Variants in LRRN3 observed in about 807,000 individuals in gnomAD.
The protein encoded by LRRN3 is leucine-rich repeat neuronal protein 3.
In LRRN3, 15 loss-of-function variants were observed where a neutral mutation model predicts 40.1. The ratio of observed to expected loss-of-function variants is 0.37; its 90% CI spans 0.25 to 0.58. The LOEUF (loss-of-function observed/expected upper bound fraction) is 0.58. Ranked by LOEUF, LRRN3 falls within the 20% of genes least tolerant of loss-of-function variation. The pLI, the probability that LRRN3 is intolerant of heterozygous loss-of-function variation, is 0.72. For synonymous variants in LRRN3, 308 were observed against 297.2 expected (o/e 1.04, Z -0.37); for missense variants, 746 against 837.7 (o/e 0.89, Z 1.35).
At chr7:111,093,659 A>C (rs1797097365) in intron 1 of LRRN3, among the ~76,000 whole-genome samples, 1 of 152,166 alleles carries the variant, frequency 6.6e-6, no homozygotes, top group Admixed American at 6.6e-5. Flanking sequence ...AGAGATCAGT[A>C]ATGTGCCCAC....
intron 2 of LRRN3, among the ~76,000 whole-genome samples, chr7:111,109,452 T>C (rs1798932061): frequency 6.6e-6 from 1 of 152,140 alleles, no homozygotes; most frequent in African/African-American, 2.4e-5. Flanking sequence ...GAGTAAGACA[T>C]AGGTCTAGAC....
chr7:111,102,448 TG>T (rs1338508137), intron 2 of LRRN3, among the ~76,000 whole-genome samples: 9 of 151,612 alleles, frequency 5.9e-5, no homozygotes. Context: ...GTTTTCAAGA[TG>T]TCTCTTTAGA....
chr7:111,124,183 G>A lies in LRRN3; in HGVS notation c.1411G>A (p.Asp471Asn), dbSNP rs1189094329. The change falls in exon 3 of 3, where the codon GAC (aspartate) becomes AAC (asparagine). Residue 471 changes from aspartate (D) to asparagine (N), a missense_variant. Transcript: ENST00000308478. ...AAAACTCTTGCCTAATACCCTGACA[G>A]ACAAGTTCTATGTCCATTCTGAGGG... ...GQKLLPNTLTDKFYVHSEGTL... is the reference protein window; with the variant it reads ...GQKLLPNTLTNKFYVHSEGTL... 6.2e-7 allele frequency: 1 copy of A among 1,613,826 alleles called. No homozygotes were observed. Among genetic ancestry groups the A allele is most frequent in the African/African-American group, 1.3e-5 (1 of 74,890 alleles).
At chr7:111,098,967 A>G (rs922262521) in intron 1 of LRRN3, among the ~76,000 whole-genome samples, 3 of 151,696 alleles carry the variant, frequency 2.0e-5, no homozygotes, top group Non-Finnish European at 4.4e-5. Context: ...AGAATATTAT[A>G]CCTTTGTAGG....
chr7:111,121,109 G>T (rs188556666), intron 2 of LRRN3, among the ~76,000 whole-genome samples: 1 of 152,164 alleles, frequency 6.6e-6, no homozygotes, highest in Non-Finnish European at 1.5e-5. Context: ...AATAATAAAT[G>T]TTTAACCTTT....
In LRRN3 at chr7:111,123,724, A is replaced by G; in HGVS notation, c.952A>G (p.Asn318Asp). Residue 318 changes from asparagine to aspartate, a missense_variant, in exon 3 of 3, where the codon AAC (asparagine) becomes GAC (aspartate). Physicochemically the swap from Asn to Asp is conservative, Grantham distance 23. Transcript: ENST00000308478. The surrounding 1 kb of genome is among the most constrained non-coding windows in gnomAD (Gnocchi z 6.4). Reference protein sequence around the residue: ...LPDLRKIEATNNPRLSYIHPN... With the variant: ...LPDLRKIEATDNPRLSYIHPN... ...AGATTTAAGAAAAATAGAAGCTACTAACAACCCTAGATTGTCTTACATTCA... is the reference window on the plus strand; with the variant it reads ...AGATTTAAGAAAAATAGAAGCTACTGACAACCCTAGATTGTCTTACATTCA... The G allele has an allele frequency of 6.2e-7, 1 of 1,613,892 alleles. No homozygotes were observed. The highest frequency in any genetic ancestry group is 2.2e-5 in the East Asian group (1 of 44,852).
chr7:111,092,071 A>T (rs1796928990), intron 1 of LRRN3, among the ~76,000 whole-genome samples: 1 of 152,254 alleles, frequency 6.6e-6, no homozygotes, highest in Admixed American at 6.5e-5. Flanking sequence ...GAGCTAAACC[A>T]CTAAGCAGAG....
chr7:111,092,558 A>G (rs968605286), intron 1 of LRRN3, among the ~76,000 whole-genome samples: 3 of 152,198 alleles, frequency 2.0e-5, no homozygotes, highest in Non-Finnish European at 4.4e-5. Context: ...CCTAGAAAAT[A>G]GTGTGCTCTG....
At chr7:111,120,827 G>A (rs1267974221) in intron 2 of LRRN3, among the ~76,000 whole-genome samples, 3 of 151,792 alleles carry the variant, frequency 2.0e-5, no homozygotes, top group Non-Finnish European at 4.4e-5. Flanking sequence ...TATAATTTTT[G>A]TCTCTAAATC....
intron 2 of LRRN3, among the ~76,000 whole-genome samples, chr7:111,117,404 A>G (rs1800020764): frequency 6.6e-6 from 1 of 152,102 alleles, no homozygotes; most frequent in African/African-American, 2.4e-5. Flanking sequence ...AAAATCATCC[A>G]GTAAACCTGG....
chr7:111,114,968 A>G (rs1799699556), intron 2 of LRRN3, among the ~76,000 whole-genome samples: 1 of 152,076 alleles, frequency 6.6e-6, no homozygotes, highest in African/African-American at 2.4e-5. Context: ...GCATCACCCA[A>G]ATAGAGATCT....
chr7:111,098,035 A>G (rs1258934046), intron 1 of LRRN3, among the ~76,000 whole-genome samples: 1 of 151,902 alleles, frequency 6.6e-6, no homozygotes, highest in African/African-American at 2.4e-5. Context: ...AACAGAATGG[A>G]AAGAGCAAAA....
chr7:111,111,064 C>T (rs1799134912), intron 2 of LRRN3, among the ~76,000 whole-genome samples: 1 of 152,090 alleles, frequency 6.6e-6, no homozygotes, highest in Non-Finnish European at 1.5e-5. Context: ...AAGAGTTTAT[C>T]TACTAAGAAA....
chr7:111,122,203 C>T (rs549246853), intron 2 of LRRN3, among the ~76,000 whole-genome samples: 27 of 150,352 alleles, frequency 1.8e-4, no homozygotes, highest in African/African-American at 6.5e-4. Flanking sequence ...GCACATGTAC[C>T]CTAAAACTTA....
At chr7:111,114,762 G>GAAAAAAA (rs555204081) in intron 2 of LRRN3, among the ~76,000 whole-genome samples, 1 of 145,752 alleles carries the variant, frequency 6.9e-6, no homozygotes, top group Non-Finnish European at 1.5e-5. Flanking sequence ...AAGAAAGAAA[G>GAAAAAAA]AAAAAAAAAG....
chr7:111,110,004 G>A (rs867337992), intron 2 of LRRN3, among the ~76,000 whole-genome samples: 2 of 152,222 alleles, frequency 1.3e-5, no homozygotes, highest in South Asian at 2.1e-4. Flanking sequence ...CATGATGGAT[G>A]AACACCTGTA....
intron 2 of LRRN3, among the ~76,000 whole-genome samples, chr7:111,119,626 A>C (rs1049483223): frequency 6.6e-6 from 1 of 152,236 alleles, no homozygotes; most frequent in Non-Finnish European, 1.5e-5. Flanking sequence ...AGATTTACTG[A>C]AATTAGAAAT....
chr7:111,115,223 T>C (rs1327856711), intron 2 of LRRN3, among the ~76,000 whole-genome samples: 1 of 152,188 alleles, frequency 6.6e-6, no homozygotes, highest in East Asian at 1.9e-4. Context: ...TGTTATGACA[T>C]ATTGTAAATT....
In LRRN3 at chr7:111,124,460, C is replaced by G; in HGVS notation, c.1688C>G (p.Ser563Cys). The G allele has an allele frequency of 6.2e-7, 1 of 1,613,856 alleles. No homozygotes were observed. Among genetic ancestry groups the G allele is most frequent in the South Asian group, 1.1e-5 (1 of 91,076 alleles). The change falls in exon 3 of 3, where the codon TCT becomes TGT. Residue 563 changes from serine to cysteine, a missense_variant. By Grantham distance (112) the Ser-to-Cys change is moderately radical. Transcript: ENST00000308478. Reference sequence around the variant, plus strand: ...ACAGCCTTTGTCAAGACTGAAAATTCTCATGCTGCGCAAAGTGCTCGAATA... The same window carrying G: ...ACAGCCTTTGTCAAGACTGAAAATTGTCATGCTGCGCAAAGTGCTCGAATA... ...KWTAFVKTENSHAAQSARIPS... is the reference protein window; with the variant it reads ...KWTAFVKTENCHAAQSARIPS...
Sources: gnomAD v4.1 joint callset for allele counts (sites outside exome capture counted in the v4.1 genomes callset) on GRCh38, gnomAD v4.1.1 for gene constraint, Gnocchi (gnomAD v3.1) non-coding constraint, MANE v1.5 for transcripts, NCBI Gene and HGNC (gene_info 2026-07-23, HGNC 2026-07-21) for gene names.